PRPF40B: variants seen among roughly 807,000 people sequenced by gnomAD.
PRPF40B encodes pre-mRNA-processing factor 40 homolog B.
Under a neutral mutation model 124.5 loss-of-function variants are expected in PRPF40B, and 56 were observed. The ratio of observed to expected loss-of-function variants is 0.45; its 90% CI spans 0.36 to 0.56. The LOEUF is 0.56. Ranked by LOEUF, PRPF40B falls within the 20% of genes least tolerant of loss-of-function variation. PRPF40B has a pLI of 0.00. For missense variants in PRPF40B, 1,053 were observed against 1,169.5 expected (o/e 0.90, Z 1.45); for synonymous variants, 443 against 426.4 (o/e 1.04, Z -0.48).
chr12:49,641,564 G>A (rs997933166), intron 18 of PRPF40B: 2 of 292,942 alleles, frequency 6.8e-6, no homozygotes, highest in African/African-American at 2.1e-5. Flanking sequence ...TGTTGATTGA[G>A]AATGCATGGA....
intron 4 of PRPF40B, 78 bp from the exon 5 acceptor site, chr12:49,632,518 T>C (rs1941317427): frequency 6.8e-7 from 1 of 1,463,462 alleles, no homozygotes; most frequent in Admixed American, 2.1e-5. Context: ...CCTGGCCTGC[T>C]TCTCCATCCC....
chr12:49,638,023 G>A (rs1942084508), intron 18 of PRPF40B, 199 bp downstream of exon 18: 1 of 572,934 alleles, frequency 1.7e-6, no homozygotes, highest in African/African-American at 1.9e-5. Context: ...CTAATAGGAA[G>A]ATATACATGA....
chr12:49,643,619 G>A, intron 23 of PRPF40B, 72 bp from the exon 24 acceptor site: 1 of 1,513,226 alleles, frequency 6.6e-7, no homozygotes, highest in East Asian at 2.3e-5. Context: ...AGAATGAACA[G>A]AGGGGCTAGA....
Position 49,644,017 on chromosome 12 carries a change from G to A in PRPF40B, c.2586+13G>A. Reference sequence around the variant, plus strand: ...CAAGAAGGAGAAGGTGAGGGGCAGGGGCCCTAGGCCAGTCAGCACGCTGGT... The same window carrying A: ...CAAGAAGGAGAAGGTGAGGGGCAGGAGCCCTAGGCCAGTCAGCACGCTGGT... On this transcript the variant is annotated intron_variant, in intron 25 of 25. Coordinates refer to ENST00000548825, the MANE Select transcript of PRPF40B (RefSeq NM_001031698.3). The A allele has an allele frequency of 1.9e-6, 3 of 1,614,114 alleles. No individual in the cohort carries two copies. The highest frequency in any genetic ancestry group is 2.5e-6 in the Non-Finnish European group (3 of 1,179,984).
chr12:49,638,422 G>A (rs1942144515), intron 18 of PRPF40B: 1 of 152,350 alleles, frequency 6.6e-6, no homozygotes, highest in African/African-American at 2.4e-5. Context: ...CTTTAGAAAG[G>A]GCAAGTCATC....
Position 49,632,871 on chromosome 12 carries a change from A to G in PRPF40B, c.339A>G (p.Thr113=). ...ADTASSAVAG[T]GPPRALWSEH... is the part of the protein sequence containing the mutation. ...TTTTTCTAGCTGCTGTGGCTGGGAC[A>G]GGCCCTCCGGTGAGTTCTTCCAGCT... is the stretch of plus-strand genomic sequence containing the variant. Residue 113 remains threonine (T), a synonymous_variant, in exon 6 of 26, where the codon ACA becomes ACG. Transcript: ENST00000548825. 6.2e-7 allele frequency: 1 copy of G among 1,613,778 alleles called. No individual in the cohort carries two copies.
chr12:49,643,099 TC>T, intron 22 of PRPF40B, 83 bp downstream of exon 22: 1 of 1,587,310 alleles, frequency 6.3e-7, no homozygotes, highest in Non-Finnish European at 8.6e-7. Context: ...TTACAATATC[TC>T]CCTTGGAGGG....
rs1251354668 is a variant in PRPF40B at position 49,633,123 on chromosome 12, A to AG, written c.459+1dup. ...CCCAGCGTGCTCAAGTCCAAGGCAG[A>AG]GGTCCTGAGCTGGGCTTTCTGGCCC... On this transcript the variant is annotated frameshift_variant and splice_region_variant, in exon 7 of 26. Coordinates refer to ENST00000548825, the MANE Select transcript of PRPF40B (RefSeq NM_001031698.3). LOFTEE classifies it high-confidence loss of function. 1 of 1,591,090 alleles carries AG rather than the reference A, an allele frequency of 6.3e-7. No individual in the cohort carries two copies. Among genetic ancestry groups the AG allele is most frequent in the African/African-American group, 1.3e-5 (1 of 74,502 alleles).
chr12:49,624,845 C>CAA (rs74552039), intron 1 of PRPF40B, among the ~76,000 whole-genome samples: 1,181 of 88,766 alleles, frequency 0.013, 13 homozygotes, highest in African/African-American at 0.044. Context: ...AGCTCTGTCT[C>CAA]AAAAAAAAAA....
chr12:49,629,953 G>A (rs1178715909), intron 1 of PRPF40B, among the ~76,000 whole-genome samples: 1 of 152,252 alleles, frequency 6.6e-6, no homozygotes, highest in Non-Finnish European at 1.5e-5. Context: ...GCGATTGGAA[G>A]TGGAAGATGT....
At position 49,631,677 on chromosome 12, in the gene PRPF40B, C is replaced by A; in HGVS notation, c.228+133C>A. On this transcript the variant is annotated intron_variant, in intron 3 of 25. Coordinates refer to ENST00000548825, the MANE Select transcript of PRPF40B (RefSeq NM_001031698.3). This position sits in a 1 kb window ranked among gnomAD's most constrained non-coding sequence, Gnocchi z 4.3. The stretch of plus-strand genomic sequence containing the variant: ...TTGGGCCAAACCCATGTGGATTTGT[C>A]TGCTGAATGACTGAGACAACTCTCA... The A allele has an allele frequency of 7.6e-7, 1 of 1,320,612 alleles. No individual in the cohort carries two copies. The highest frequency in any genetic ancestry group is 1.5e-5 in the African/African-American group (1 of 68,628). The allele number at this position is 1,320,612 out of a possible 1,614,324, so 81.8% of individuals were successfully genotyped here.
Position 49,642,906 on chromosome 12 carries a change from C to T in PRPF40B, c.2119-24C>T, listed in dbSNP as rs1942864253. 1 of 1,605,148 alleles carries T rather than the reference C, an allele frequency of 6.2e-7. No homozygotes were observed. The highest frequency in any genetic ancestry group is 2.2e-5 in the East Asian group (1 of 44,584). On this transcript the variant is annotated intron_variant, in intron 21 of 25. Coordinates refer to ENST00000548825, the MANE Select transcript of PRPF40B (RefSeq NM_001031698.3). This position sits in a 1 kb window ranked among gnomAD's most constrained non-coding sequence, Gnocchi z 5.8. ...GGGGCTAAGTCTGGTGCTGTCCTCA[C>T]CCTTCTTCCTCTGCCTCTAGCAGAC...
chr12:49,635,925 C>A lies in PRPF40B; in HGVS notation c.1358C>A (p.Thr453Asn). The A allele has an allele frequency of 6.2e-7, 1 of 1,614,114 alleles. No homozygotes were observed. The change falls in exon 15 of 26, where the codon ACC becomes AAC. Residue 453 changes from threonine (T) to asparagine (N), a missense_variant. This residue lies in a region of PRPF40B where 895 missense variants were observed against 1,052.2 expected (regional missense o/e 0.85). Transcript: ENST00000548825. The surrounding 1 kb of genome is among the most constrained non-coding windows in gnomAD (Gnocchi z 4.1). ...LDGMSSVNFQTTWSQAQQYLM... is the reference protein window; with the variant it reads ...LDGMSSVNFQNTWSQAQQYLM... The stretch of plus-strand genomic sequence containing the variant: ...GGGATGAGTAGTGTCAACTTCCAAA[C>A]CACGTGGTCCCAGGCCCAGCAGTAC...
At chr12:49,637,333 A>C in intron 16 of PRPF40B, 137 bp from the exon 17 acceptor site, 4 of 632,884 alleles carry the variant, frequency 6.3e-6, no homozygotes, top group Middle Eastern at 2.5e-4. Context: ...GCATCTCTTC[A>C]TCTCTGCCTC....
chr12:49,632,955 G>A (rs908605287), intron 6 of PRPF40B, 59 bp from the exon 7 acceptor site: 101 of 1,610,180 alleles, frequency 6.3e-5, no homozygotes, highest in Non-Finnish European at 8.6e-5. Flanking sequence ...TCTTTGGGGT[G>A]AGGAGAGGCT....
In PRPF40B at chr12:49,632,610, G is replaced by A. The variant is rs760569210; in HGVS notation, c.309G>A (p.Ala103=). ...TTCTTCGGCAGACGGCTCCGGGTGC[G>A]GACACCGCCAGCTGTGAGTCTTCTG... is the stretch of plus-strand genomic sequence containing the variant. ...VPVTAATAPG[A]DTASSAVAGT... The change falls in exon 5 of 26, where the codon GCG becomes GCA. Residue 103 remains alanine, a synonymous_variant. Coordinates refer to ENST00000548825, the MANE Select transcript of PRPF40B (RefSeq NM_001031698.3). 15 of 1,613,676 alleles carry A rather than the reference G, an allele frequency of 9.3e-6. No homozygotes were observed. The highest frequency in any genetic ancestry group is 8.9e-5 in the East Asian group (4 of 44,886).
rs374806594 is a variant in PRPF40B at position 49,635,169 on chromosome 12, A to G, written c.1072A>G (p.Lys358Glu). 2.5e-5 allele frequency: 40 copies of G among 1,613,912 alleles called. No homozygotes were observed. The highest frequency in any genetic ancestry group is 4.4e-5 in the South Asian group (4 of 91,084). The stretch of plus-strand genomic sequence containing the variant: ...CAAGGCGCAGCGGGAGAAGGAGGAG[A>G]AGGAGGAGGCCCGGCTAAGGGCCAA... ...AYKAQREKEE[K>E]EEARLRAKEA... is the part of the protein sequence containing the mutation. Residue 358 changes from lysine (K) to glutamate (E), a missense_variant, in exon 13 of 26, where the codon AAG (lysine) becomes GAG (glutamate). Physicochemically the swap from Lys to Glu is moderately conservative, Grantham distance 56 (BLOSUM62 1). This residue lies in a region of PRPF40B where 895 missense variants were observed against 1,052.2 expected (regional missense o/e 0.85). Transcript: ENST00000548825. The surrounding 1 kb of genome is among the most constrained non-coding windows in gnomAD (Gnocchi z 4.1).
At position 49,642,797 on chromosome 12, in the gene PRPF40B, G is replaced by A; in HGVS notation, c.2118+122G>A. On this transcript the variant is annotated intron_variant, in intron 21 of 25. Transcript: ENST00000548825. The surrounding 1 kb of genome is among the most constrained non-coding windows in gnomAD (Gnocchi z 5.8). Reference sequence around the variant, plus strand: ...ACTCCTGGCCAGCTAAGGAAGGGGAGGCCTGAGGATCCCTGGGATAGGCAG... The same window carrying A: ...ACTCCTGGCCAGCTAAGGAAGGGGAAGCCTGAGGATCCCTGGGATAGGCAG... 1 of 1,422,916 alleles carries A rather than the reference G, an allele frequency of 7.0e-7. No homozygotes were observed. The highest frequency in any genetic ancestry group is 9.7e-7 in the Non-Finnish European group (1 of 1,032,584). 88.1% of individuals were successfully genotyped at this position (1,422,916 alleles called of 1,614,324 possible).
At chr12:49,638,871 A>C (rs914736927) in intron 18 of PRPF40B, 1 of 152,226 alleles carries the variant, frequency 6.6e-6, no homozygotes, top group African/African-American at 2.4e-5. Context: ...GGGATCTGGA[A>C]ATAAAGCTAG....
Sources: gnomAD v4.1 joint callset for allele counts (sites outside exome capture counted in the v4.1 genomes callset) on GRCh38, gnomAD v4.1.1 for gene constraint, gnomAD v4.1.1 regional missense constraint, Gnocchi (gnomAD v3.1) non-coding constraint, MANE v1.5 for transcripts, NCBI Gene and HGNC (gene_info 2026-07-23, HGNC 2026-07-21) for gene names.